Variants in PREPL observed in about 807,000 individuals in gnomAD.
PREPL encodes the protein prolyl endopeptidase-like.
PREPL carries 77 observed loss-of-function variants against 70.6 expected under a neutral mutation model. The ratio of observed to expected loss-of-function variants is 1.09; its 90% CI spans 0.91 to 1.32. The LOEUF (loss-of-function observed/expected upper bound fraction) is 1.32, where lower values mean the gene tolerates loss of function less well. Ranked by LOEUF, PREPL falls within the 40% of genes most tolerant of loss-of-function variation. The pLI is 0.00. For synonymous variants in PREPL, 315 were observed against 264.8 expected (o/e 1.19, Z -1.84); for missense variants, 1,002 against 778.2 (o/e 1.29, Z -3.42).
intron 3 of PREPL, among the ~76,000 whole-genome samples, 160 bp downstream of exon 3, chr2:44,344,360 A>C (rs1675550462): frequency 1.3e-5 from 2 of 152,196 alleles, no homozygotes; most frequent in African/African-American, 4.8e-5. Context: ...GTCTAACTAT[A>C]TCTTACACAA....
At chr2:44,329,521 G>C (rs1485816438) in intron 8 of PREPL, among the ~76,000 whole-genome samples, 2 of 152,018 alleles carry the variant, frequency 1.3e-5, no homozygotes, top group South Asian at 2.1e-4. Context: ...TTTCACTTTT[G>C]AGTATCTACA....
chr2:44,352,502 T>C (rs145497365), intron 1 of PREPL, among the ~76,000 whole-genome samples: 122 of 152,284 alleles, frequency 8.0e-4, no homozygotes, highest in African/African-American at 2.9e-3. Context: ...GCTCAAGCAA[T>C]GAGCCCACCT....
At chr2:44,329,620 G>A (rs1673885440) in intron 8 of PREPL, among the ~76,000 whole-genome samples, 1 of 152,050 alleles carries the variant, frequency 6.6e-6, no homozygotes, top group African/African-American at 2.4e-5. Context: ...TCTTACTGAT[G>A]TTACTGATAA....
chr2:44,326,886 G>T lies in PREPL; in HGVS notation c.1305C>A (p.Arg435=). The change falls in exon 10 of 14, where the codon CGC becomes CGA. Residue 435 remains arginine, a synonymous_variant. Transcript: ENST00000409411. ...ELGLQWHADG[R]LTKKLNGLAD... is the part of the protein sequence containing the mutation. ...CAAGGCCATTGAGTTTTTTAGTTAGGCGGCCATCAGCGTGCCACTGGAGGC... is the reference window on the plus strand; with the variant it reads ...CAAGGCCATTGAGTTTTTTAGTTAGTCGGCCATCAGCGTGCCACTGGAGGC... 6.2e-7 allele frequency: 1 copy of T among 1,614,132 alleles called. No individual in the cohort carries two copies. The highest frequency in any genetic ancestry group is 1.1e-5 in the South Asian group (1 of 91,086).
At chr2:44,348,848 G>A (rs1188968890) in intron 1 of PREPL, among the ~76,000 whole-genome samples, 1 of 152,118 alleles carries the variant, frequency 6.6e-6, no homozygotes, top group Non-Finnish European at 1.5e-5. Flanking sequence ...GGTTTTTGTT[G>A]CGTCCCAGGG....
chr2:44,327,639 T>A (rs1673646863), intron 9 of PREPL, among the ~76,000 whole-genome samples: 1 of 152,028 alleles, frequency 6.6e-6, no homozygotes, highest in Admixed American at 6.6e-5. Flanking sequence ...GGTGAGCAGG[T>A]CACTTGAGGT....
intron 3 of PREPL, 28 bp downstream of exon 3, chr2:44,344,492 G>C: frequency 6.9e-7 from 1 of 1,449,736 alleles, no homozygotes; most frequent in Non-Finnish European, 9.4e-7. Context: ...GAAAATTAGA[G>C]CACGTAAAAA....
intron 9 of PREPL, among the ~76,000 whole-genome samples, chr2:44,328,453 A>AAG (rs1464492412): frequency 6.7e-6 from 1 of 150,152 alleles, no homozygotes; most frequent in Non-Finnish European, 1.5e-5. Context: ...AAAAAAAAAA[A>AAG]AAAAAAAAAA....
chr2:44,346,353 A>G lies in PREPL; in HGVS notation c.-11T>C. 2 of 1,612,990 alleles carry G rather than the reference A, an allele frequency of 1.2e-6. No homozygotes were observed. The highest frequency in any genetic ancestry group is 2.2e-5 in the South Asian group (2 of 91,002). On this transcript the variant is annotated 5_prime_UTR_variant, in exon 2 of 14. Coordinates refer to ENST00000409411, the MANE Select transcript of PREPL (RefSeq NM_001171613.2). ...TTCAAATGCATCCATGTTTTCTGGAAGGGGTTTTTCGTTTTCTTGTTTAAC... is the reference window on the plus strand; with the variant it reads ...TTCAAATGCATCCATGTTTTCTGGAGGGGGTTTTTCGTTTTCTTGTTTAAC...
chr2:44,357,175 G>A (rs698774), intron 1 of PREPL, among the ~76,000 whole-genome samples: 101,802 of 152,182 alleles, frequency 0.67, 34,665 homozygotes, highest in African/African-American at 0.74. Context: ...AATCGTGGCT[G>A]GATCTTTTGC....
chr2:44,348,285 T>A (rs1366292690), intron 1 of PREPL, among the ~76,000 whole-genome samples: 6 of 152,212 alleles, frequency 3.9e-5, no homozygotes, highest in African/African-American at 1.4e-4. Flanking sequence ...CTACAAAATC[T>A]ACAGTTGATC....
chr2:44,341,078 C>A (rs1675171742), intron 5 of PREPL, among the ~76,000 whole-genome samples: 1 of 151,848 alleles, frequency 6.6e-6, no homozygotes, highest in Admixed American at 6.6e-5. Flanking sequence ...CTGCTACTAC[C>A]CTTTGTAATT....
intron 8 of PREPL, among the ~76,000 whole-genome samples, chr2:44,330,026 G>A (rs542902477): frequency 6.6e-6 from 1 of 152,294 alleles, no homozygotes; most frequent in African/African-American, 2.4e-5. Context: ...ACAGCAAAAT[G>A]TAATCAAATA....
chr2:44,345,963 G>A (rs754669576), intron 2 of PREPL, among the ~76,000 whole-genome samples: 1 of 152,014 alleles, frequency 6.6e-6, no homozygotes, highest in Non-Finnish European at 1.5e-5. Flanking sequence ...GCAACACAGT[G>A]AGACCCTGTC....
chr2:44,341,197 T>A (rs1675184443), intron 5 of PREPL, among the ~76,000 whole-genome samples: 1 of 152,146 alleles, frequency 6.6e-6, no homozygotes, highest in Admixed American at 6.5e-5. Context: ...TTAAATCTCT[T>A]AGGAATGTAT....
rs779027369 is a variant in PREPL, at chr2:44,318,093, CTGTTTT to C, written c.*3257_*3262del. Reference sequence around the variant, plus strand: ...CAATAATACTTAAAGGATCTCAACACTGTTTTTTTTTTTTTTTGAGACAGTCTTGCT... The same window carrying C: ...CAATAATACTTAAAGGATCTCAACACTTTTTTTTTTTGAGACAGTCTTGCT... On this transcript the variant is annotated 3_prime_UTR_variant, in exon 14 of 14. Transcript: ENST00000409411. 1,796 of 394,880 alleles carry C rather than the reference CTGTTTT, an allele frequency of 4.5e-3. 33 individuals carry two copies. The African/African-American group carries it at 0.049, about 11-fold the overall frequency. The allele number at this position is 394,880 out of a possible 1,614,324, so 24.5% of individuals were successfully genotyped here. A position where few individuals can be genotyped will look rare whatever the true frequency, so the allele number is the denominator to read the frequency against.
intron 9 of PREPL, among the ~76,000 whole-genome samples, chr2:44,328,428 C>T (rs1673750478): frequency 1.6e-5 from 1 of 63,846 alleles, no homozygotes; most frequent in Non-Finnish European, 2.8e-5. Context: ...CAAAGCAAAA[C>T]TGTCTCAAAC....
intron 7 of PREPL, among the ~76,000 whole-genome samples, chr2:44,336,254 A>G (rs985945192): frequency 2.0e-5 from 3 of 152,054 alleles, no homozygotes; most frequent in African/African-American, 7.2e-5. Context: ...TGCACACATT[A>G]TGTTCATCAC....
chr2:44,327,024 G>A (rs1248056264), intron 9 of PREPL, 96 bp from the exon 10 acceptor site: 47 of 1,028,228 alleles, frequency 4.6e-5, no homozygotes, highest in Non-Finnish European at 8.8e-6. Context: ...TTTTTTGTGT[G>A]GCCCTGGAGC....
Sources: allele counts gnomAD v4.1 joint callset (sites outside exome capture counted in the v4.1 genomes callset), GRCh38; gene constraint gnomAD v4.1.1; transcripts MANE v1.5; gene names NCBI Gene and HGNC (gene_info 2026-07-23, HGNC 2026-07-21).